The following GPBP1 variants were observed in gnomAD, a reference collection of about 807,000 sequenced individuals.
GPBP1 encodes the protein vasculin.
In GPBP1, 13 loss-of-function variants were observed where a neutral mutation model predicts 56.5. That is an observed-to-expected ratio of 0.23 (90% CI 0.15 to 0.37). GPBP1 has a LOEUF of 0.37. Among genes scored for constraint, GPBP1 ranks in the 10% least tolerant of loss-of-function variants. GPBP1 has a pLI of 1.00. For missense variants in GPBP1, 477 were observed against 572.3 expected, an observed-to-expected ratio of 0.83 and a Z score of 1.70; for synonymous variants, 204 against 188.9, an observed-to-expected ratio of 1.08 and a Z score of -0.66.
intron 2 of GPBP1, among the ~76,000 whole-genome samples, chr5:57,186,577 T>TG (rs925750777): frequency 6.6e-6 from 1 of 152,006 alleles, no homozygotes; most frequent in African/African-American, 2.4e-5. Context: ...GTTCACTTTT[T>TG]GGGGGGTGGG....
intron 2 of GPBP1, among the ~76,000 whole-genome samples, chr5:57,208,392 C>G (rs1345496541): frequency 6.6e-6 from 1 of 152,054 alleles, no homozygotes; most frequent in African/African-American, 2.4e-5. Flanking sequence ...AGCCACCATG[C>G]CTGGCTGATT....
intron 2 of GPBP1, among the ~76,000 whole-genome samples, chr5:57,196,441 G>A (rs1754751821): frequency 6.6e-6 from 1 of 152,122 alleles, no homozygotes; most frequent in Admixed American, 6.5e-5. Flanking sequence ...GTAATTTCAG[G>A]ATAAGCATTA....
At chr5:57,179,362 TGTTTGAGACAGG>T (rs1199547420) in intron 2 of GPBP1, among the ~76,000 whole-genome samples, 10 of 130,028 alleles carry the variant, frequency 7.7e-5, no homozygotes, top group Admixed American at 5.7e-4. Context: ...TGTGTGTGTG[TGTTTGAGACAGG>T]GTCTCGCTCT....
chr5:57,180,407 A>G (rs1753990003), intron 2 of GPBP1, among the ~76,000 whole-genome samples: 1 of 152,246 alleles, frequency 6.6e-6, no homozygotes, highest in Non-Finnish European at 1.5e-5. Context: ...GGCGTGAGCC[A>G]CTGCACCTGG....
At chr5:57,217,325 C>T (rs1427303664) in intron 3 of GPBP1, among the ~76,000 whole-genome samples, 3 of 152,082 alleles carry the variant, frequency 2.0e-5, no homozygotes, top group African/African-American at 4.8e-5. Context: ...ATAATCCCAG[C>T]ACTTTGGGAG....
At chr5:57,233,638 T>C (rs1238326649) in intron 5 of GPBP1, among the ~76,000 whole-genome samples, 11 of 152,204 alleles carry the variant, frequency 7.2e-5, no homozygotes, top group Admixed American at 7.2e-4. Flanking sequence ...ATATTTACTA[T>C]TGATTAAGTG....
intron 2 of GPBP1, among the ~76,000 whole-genome samples, chr5:57,188,011 G>A (rs552841722): frequency 5.3e-5 from 8 of 152,082 alleles, no homozygotes; most frequent in Non-Finnish European, 1.2e-4. Flanking sequence ...GGGAGGCTGA[G>A]GTGGGTGGAT....
chr5:57,253,814 G>C (rs144782340), intron 10 of GPBP1, among the ~76,000 whole-genome samples: 10 of 152,170 alleles, frequency 6.6e-5, no homozygotes, highest in African/African-American at 1.7e-4. Context: ...AGCTCTCACT[G>C]TGTCACTGTG....
At chr5:57,246,930 T>C (rs966996491) in intron 7 of GPBP1, 145 bp from the exon 8 acceptor site, 1 of 515,676 alleles carries the variant, frequency 1.9e-6, no homozygotes, top group Non-Finnish European at 3.3e-6. Context: ...GACAGAGAAC[T>C]ATGTAGGAAT....
intron 2 of GPBP1, among the ~76,000 whole-genome samples, chr5:57,205,212 T>C (rs77263331): frequency 0.027 from 4,170 of 152,334 alleles, 122 homozygotes; most frequent in East Asian, 0.13. Context: ...ACGTGATCTT[T>C]TGTGTCTGGC....
At chr5:57,196,008 T>TAAAAAAAAAAAAA (rs1561330293) in intron 2 of GPBP1, among the ~76,000 whole-genome samples, 4 of 53,874 alleles carry the variant, frequency 7.4e-5, no homozygotes, top group African/African-American at 2.3e-4. Context: ...AAAAAAAAAT[T>TAAAAAAAAAAAAA]TTTTTTTTTT....
intron 3 of GPBP1, 101 bp from the exon 4 acceptor site, chr5:57,230,745 A>C: frequency 1.0e-6 from 1 of 980,822 alleles, no homozygotes; most frequent in Non-Finnish European, 1.6e-6. Context: ...GTTTTTCTTA[A>C]TCATTTAAAA....
intron 2 of GPBP1, among the ~76,000 whole-genome samples, chr5:57,198,466 A>G (rs145737072): frequency 2.3e-3 from 346 of 152,316 alleles, no homozygotes; most frequent in African/African-American, 8.0e-3. Context: ...GAACCGAATA[A>G]ACAAGTTCAG....
chr5:57,259,168 A>G (rs1178032940), intron 10 of GPBP1, among the ~76,000 whole-genome samples: 4 of 152,238 alleles, frequency 2.6e-5, no homozygotes, highest in Non-Finnish European at 4.4e-5. Context: ...CAGAAGCAAC[A>G]AGGTGCTGTG....
At chr5:57,196,575 GTCA>G (rs1754756050) in intron 2 of GPBP1, among the ~76,000 whole-genome samples, 1 of 152,054 alleles carries the variant, frequency 6.6e-6, no homozygotes. Context: ...AAATAAAATT[GTCA>G]TCATCTATTT....
chr5:57,194,713 A>G (rs1754673057), intron 2 of GPBP1, among the ~76,000 whole-genome samples: 1 of 151,810 alleles, frequency 6.6e-6, no homozygotes, highest in Admixed American at 6.6e-5. Flanking sequence ...TCTACCTGTG[A>G]GTTGATTTTG....
intron 11 of GPBP1, among the ~76,000 whole-genome samples, chr5:57,262,344 G>GT (rs1741933265): frequency 6.6e-6 from 1 of 152,096 alleles, no homozygotes; most frequent in Non-Finnish European, 1.5e-5. Flanking sequence ...TTATATTCTG[G>GT]TAAGTCCCTG....
chr5:57,254,807 A>C (rs548177701), intron 10 of GPBP1, among the ~76,000 whole-genome samples: 3 of 152,316 alleles, frequency 2.0e-5, no homozygotes, highest in Admixed American at 6.5e-5. Context: ...TTTATAACTA[A>C]CTTAATCAGA....
intron 3 of GPBP1, among the ~76,000 whole-genome samples, chr5:57,221,951 T>C (rs117481763): frequency 0.014 from 2,077 of 152,200 alleles, 114 homozygotes; most frequent in East Asian, 0.098. Flanking sequence ...TGTGTAGATT[T>C]TTTGGTTTAT....
Sources: gnomAD v4.1 joint callset for allele counts (sites outside exome capture counted in the v4.1 genomes callset) on GRCh38, gnomAD v4.1.1 for gene constraint, MANE v1.5 for transcripts, NCBI Gene and HGNC (gene_info 2026-07-23, HGNC 2026-07-21) for gene names.